Variants in SNW1 observed in about 807,000 individuals in gnomAD.
SNW1 encodes SNW domain-containing protein 1.
Under a neutral mutation model 75.6 loss-of-function variants are expected in SNW1, and 9 were observed. The observed-to-expected ratio is 0.12, with a 90% confidence interval of 0.07 to 0.21. The LOEUF is 0.21. Ranked by LOEUF, SNW1 falls within the 10% of genes least tolerant of loss-of-function variation. The pLI is 1.00. For missense variants in SNW1, 409 were observed against 670.9 expected, an observed-to-expected ratio of 0.61 and a Z score of 4.31; for synonymous variants, 200 against 219.1, an observed-to-expected ratio of 0.91 and a Z score of 0.77.
chr14:77,734,006 ATCAAC>A (rs1245528124), intron 8 of SNW1: 5 of 392,412 alleles, frequency 1.3e-5, no homozygotes, highest in Non-Finnish European at 2.6e-5. Flanking sequence ...CAAAATACCA[ATCAAC>A]TCAAATCAGA....
At chr14:77,759,820 T>A (rs190653426) in intron 1 of SNW1, among the ~76,000 whole-genome samples, 7,101 of 151,184 alleles carry the variant, frequency 0.047, 273 homozygotes, top group East Asian at 0.17. Context: ...TAGTTTTTTT[T>A]TAAAAAAATT....
chr14:77,744,463 A>G (rs1432004520), intron 3 of SNW1, among the ~76,000 whole-genome samples: 6 of 148,932 alleles, frequency 4.0e-5, no homozygotes, highest in Admixed American at 2.0e-4. Context: ...AAAAAAAAAA[A>G]AAAGAAAAGT....
intron 12 of SNW1, 78 bp from the exon 13 acceptor site, chr14:77,718,608 A>AAC (rs1487599927): frequency 1.1e-6 from 1 of 948,454 alleles, no homozygotes; most frequent in Non-Finnish European, 1.6e-6. Flanking sequence ...GTTTACAGTA[A>AAC]ACCCTTGCTA....
At chr14:77,742,634 A>C (rs934224306) in intron 3 of SNW1, among the ~76,000 whole-genome samples, 8 of 152,152 alleles carry the variant, frequency 5.3e-5, no homozygotes, top group African/African-American at 1.9e-4. Flanking sequence ...CATACAAACA[A>C]GATAACATAT....
intron 3 of SNW1, among the ~76,000 whole-genome samples, chr14:77,741,549 A>G (rs2080719172): frequency 2.6e-5 from 4 of 152,108 alleles, no homozygotes; most frequent in Admixed American, 2.6e-4. Flanking sequence ...CGTACTACTG[A>G]TATGTGAGTT....
In SNW1 at chr14:77,718,150, G is replaced by A. The variant is rs1479443001; in HGVS notation, c.1549C>T (p.Pro517Ser). The change falls in exon 14 of 14, where the codon CCC becomes TCC. Residue 517 changes from proline to serine, a missense_variant. By Grantham distance (74) the Pro-to-Ser change is moderately conservative. Transcript: ENST00000261531. ...TCCTTGGGGCGGCTGCTATCTGAGG[G>A]TCTTTTAGAGCCACCATGCTGTTTG... ...EAKQHGGSKR[P>S]SDSSRPKEHE... The A allele has an allele frequency of 4.3e-6, 7 of 1,612,522 alleles. No individual in the cohort carries two copies. Among genetic ancestry groups the A allele is most frequent in the African/African-American group, 1.3e-5 (1 of 74,774 alleles).
intron 1 of SNW1, 39 bp from the exon 2 acceptor site, chr14:77,755,159 C>CAAGA (rs149191999): frequency 4.0e-6 from 4 of 1,007,208 alleles, no homozygotes; most frequent in South Asian, 1.6e-5. Flanking sequence ...ATTTAAAAAA[C>CAAGA]TCTTATGTTT....
intron 2 of SNW1, among the ~76,000 whole-genome samples, chr14:77,754,466 T>C (rs2080829906): frequency 6.6e-6 from 1 of 152,148 alleles, no homozygotes; most frequent in African/African-American, 2.4e-5. Flanking sequence ...ATTTAATCTA[T>C]ATATCAGATA....
In SNW1 at chr14:77,743,063, C is replaced by CA. The variant is rs199822836; in HGVS notation, c.331-4003dup. On this transcript the variant is annotated intron_variant, in intron 3 of 13. Coordinates refer to ENST00000261531, the MANE Select transcript of SNW1 (RefSeq NM_012245.3). ...CAACACGGAGAAACACTGTCTCTAC[C>CA]AAAAATACAAAATTAGTCAGGCGTG... 1.3e-4 allele frequency among the ~76,000 whole-genome samples: 20 copies of CA among 151,590 alleles called. 1 individual carries two copies. The East Asian group carries it at 3.8e-3, about 29-fold the overall frequency.
chr14:77,748,448 A>G (rs1594806195), intron 3 of SNW1, among the ~76,000 whole-genome samples: 2 of 129,062 alleles, frequency 1.5e-5, no homozygotes, highest in East Asian at 2.1e-4. Flanking sequence ...ATATTTTAGG[A>G]AAAAAAAATT....
chr14:77,724,101 T>A (rs176969), intron 10 of SNW1, among the ~76,000 whole-genome samples: 99,459 of 152,128 alleles, frequency 0.65, 32,821 homozygotes, highest in African/African-American at 0.72. Context: ...CAACTTACTT[T>A]GAAATGCAAT....
At chr14:77,733,934 T>C (rs757923615) in intron 8 of SNW1, 4 of 446,264 alleles carry the variant, frequency 9.0e-6, no homozygotes, top group Admixed American at 2.5e-5. Context: ...TGTTGACTTT[T>C]AGTCCATGGT....
intron 3 of SNW1, among the ~76,000 whole-genome samples, chr14:77,746,021 C>T (rs778435921): frequency 2.6e-5 from 4 of 152,090 alleles, no homozygotes; most frequent in African/African-American, 7.2e-5. Context: ...AAGACTGTCT[C>T]GAAAACAAAC....
intron 5 of SNW1, among the ~76,000 whole-genome samples, chr14:77,737,293 T>C (rs11622293): frequency 0.17 from 25,535 of 152,128 alleles, 2,461 homozygotes; most frequent in Non-Finnish European, 0.22. Context: ...GGTATTAGTT[T>C]GCAAATAACC....
intron 2 of SNW1, among the ~76,000 whole-genome samples, chr14:77,751,848 CACACACACA>C (rs2080811945): frequency 1.5e-5 from 2 of 130,532 alleles, no homozygotes; most frequent in Admixed American, 1.6e-4. Context: ...ACACACACCA[CACACACACA>C]CACACAAAGC....
intron 1 of SNW1, among the ~76,000 whole-genome samples, chr14:77,759,960 A>C (rs2080873845): frequency 6.6e-6 from 1 of 152,154 alleles, no homozygotes; most frequent in Admixed American, 6.6e-5. Flanking sequence ...TCAAAAAATA[A>C]AGTTAAAAAA....
In SNW1 at chr14:77,750,094, G is replaced by A. The variant is rs569352836; in HGVS notation, c.330+1225C>T. On this transcript the variant is annotated intron_variant, in intron 3 of 13. Transcript: ENST00000261531. Reference sequence around the variant, plus strand: ...TGCACACCTGTGCTCTCAGCCACTCGAGAGGCTGAGGTGGGAGGAATGCTT... The same window carrying A: ...TGCACACCTGTGCTCTCAGCCACTCAAGAGGCTGAGGTGGGAGGAATGCTT... 1.4e-4 allele frequency among the ~76,000 whole-genome samples: 21 copies of A among 152,268 alleles called. No homozygotes were observed. In the South Asian group the frequency reaches 4.3e-3, roughly 32 times the overall value.
intron 2 of SNW1, among the ~76,000 whole-genome samples, chr14:77,752,624 T>G (rs2080817148): frequency 6.6e-6 from 1 of 152,134 alleles, no homozygotes; most frequent in South Asian, 2.1e-4. Context: ...CTTTTGAGAC[T>G]CCGAAAAGCT....
intron 2 of SNW1, among the ~76,000 whole-genome samples, chr14:77,754,598 G>A (rs1240861023): frequency 1.3e-5 from 2 of 152,090 alleles, no homozygotes; most frequent in African/African-American, 4.8e-5. Context: ...TGGTATTATC[G>A]GAGGGGAGGA....
Sources: allele counts gnomAD v4.1 joint callset (sites outside exome capture counted in the v4.1 genomes callset), GRCh38; gene constraint gnomAD v4.1.1; transcripts MANE v1.5; gene names NCBI Gene and HGNC (gene_info 2026-07-23, HGNC 2026-07-21).